KAT6A: variants seen among roughly 807,000 people sequenced by gnomAD.
KAT6A encodes the protein histone acetyltransferase KAT6A.
A neutral mutation model predicts 198.4 loss-of-function variants in KAT6A; 9 were observed. The observed-to-expected ratio is 0.05, with a 90% CI of 0.03 to 0.08. The LOEUF is 0.08. Among genes scored for constraint, KAT6A ranks in the 10% least tolerant of loss-of-function variants. KAT6A has a pLI of 1.00. For synonymous variants in KAT6A, 890 were observed against 883.0 expected (o/e 1.01, Z -0.14); for missense variants, 2,077 against 2,509.9 (o/e 0.83, Z 3.69).
chr8:42,004,823 G>A (rs1034969553), intron 2 of KAT6A, among the ~76,000 whole-genome samples: 4 of 151,976 alleles, frequency 2.6e-5, no homozygotes, highest in African/African-American at 9.7e-5. Flanking sequence ...AGCTACTCAA[G>A]AGGCTAAGGC....
chr8:41,941,426 G>A lies in KAT6A; in HGVS notation c.2455C>T (p.His819Tyr). 2.5e-6 allele frequency: 4 copies of A among 1,596,804 alleles called. No individual in the cohort carries two copies. Among genetic ancestry groups the A allele is most frequent in the Non-Finnish European group, 3.4e-6 (4 of 1,175,764 alleles). Residue 819 changes from histidine (H) to tyrosine (Y), a missense_variant, in exon 15 of 17, where the codon CAT becomes TAT. By Grantham distance (83) the His-to-Tyr change is moderately conservative. This residue lies in a region of KAT6A where 301 missense variants were observed against 272.2 expected (regional missense o/e 1.11). Transcript: ENST00000265713. ...TAAGAATCTTGTTCTTTGTTCTCAT[G>A]AGACACAGACTTTCCCACCTGATTT... ...LEISVGKSVSHENKEQDSYSV... is the reference protein window; with the variant it reads ...LEISVGKSVSYENKEQDSYSV...
In KAT6A at chr8:41,933,803, C is replaced by G. The variant is rs750883642; in HGVS notation, c.4417G>C (p.Asp1473His). 1 of 1,614,124 alleles carries G rather than the reference C, an allele frequency of 6.2e-7. No individual in the cohort carries two copies. The highest frequency in any genetic ancestry group is 8.5e-7 in the Non-Finnish European group (1 of 1,180,030). Residue 1473 changes from aspartate to histidine, a missense_variant, in exon 17 of 17, where the codon GAC becomes CAC. Asp to His is a moderately conservative substitution (Grantham distance 81). Coordinates refer to ENST00000265713, the MANE Select transcript of KAT6A (RefSeq NM_006766.5). This position sits in a 1 kb window ranked among gnomAD's most constrained non-coding sequence, Gnocchi z 6.2. ...CTATTATGTTCTGACGCATGACAGTCTTCAACCATGGACATCTGAGGGTCC... is the reference window on the plus strand; with the variant it reads ...CTATTATGTTCTGACGCATGACAGTGTTCAACCATGGACATCTGAGGGTCC... ...DEDPQMSMVE[D>H]CHASEHNSPI... is the part of the protein sequence containing the mutation.
At chr8:42,007,533 G>A (rs1036596488) in intron 2 of KAT6A, among the ~76,000 whole-genome samples, 1 of 152,184 alleles carries the variant, frequency 6.6e-6, no homozygotes, top group Non-Finnish European at 1.5e-5. Context: ...CTTAAGAAAT[G>A]TGTGGACTGA....
intron 2 of KAT6A, among the ~76,000 whole-genome samples, chr8:41,996,730 A>G (rs1825229126): frequency 2.6e-5 from 4 of 152,200 alleles, no homozygotes; most frequent in Admixed American, 2.6e-4. Context: ...CCTCACAGAG[A>G]GATGAGGCCC....
intron 13 of KAT6A, 88 bp from the exon 14 acceptor site, chr8:41,943,088 G>A: frequency 6.5e-7 from 1 of 1,529,186 alleles, no homozygotes; most frequent in Non-Finnish European, 8.9e-7. Flanking sequence ...GGTGAAGCAT[G>A]TAAGATGATA....
chr8:41,981,076 C>T, intron 4 of KAT6A, 149 bp from the exon 5 acceptor site: 1 of 620,840 alleles, frequency 1.6e-6, no homozygotes, highest in African/African-American at 1.8e-5. Flanking sequence ...TCCCAACACT[C>T]TGGGAGGTCG....
Position 41,967,274 on chromosome 8 carries a change from A to ATTTATTTATTT in KAT6A, c.1482+7429_1482+7430insAAATAAATAAA, listed in dbSNP as rs1554686629. 7.3e-3 allele frequency among the ~76,000 whole-genome samples: 1,039 copies of ATTTATTTATTT among 142,834 alleles called. 14 individuals carry two copies. The highest frequency in any genetic ancestry group is 0.025 in the African/African-American group (957 of 38,558). 93.7% of individuals were successfully genotyped at this position (142,834 alleles called of 152,430 possible). On this transcript the variant is annotated intron_variant, in intron 8 of 16. Transcript: ENST00000265713. Reference sequence around the variant, plus strand: ...GCGTCTTTCTTTTTTTAAAAAAAAAAATTTATTTATTTATTTATTTATTTA... The same window carrying ATTTATTTATTT: ...GCGTCTTTCTTTTTTTAAAAAAAAAATTTATTTATTTATTTATTTATTTATTTATTTATTTA...
chr8:41,939,414 T>C (rs1488679996), intron 15 of KAT6A, among the ~76,000 whole-genome samples: 2 of 152,196 alleles, frequency 1.3e-5, no homozygotes, highest in Non-Finnish European at 2.9e-5. Context: ...GTCACGCAGG[T>C]TGGACTACAG....
chr8:41,958,776 A>G (rs1477329786), intron 8 of KAT6A, among the ~76,000 whole-genome samples: 6 of 152,244 alleles, frequency 3.9e-5, no homozygotes, highest in East Asian at 1.9e-4. Context: ...ATTAACTGGC[A>G]TAAGTAAGGA....
chr8:42,048,415 A>G lies in KAT6A; in HGVS notation c.563T>C (p.Leu188Ser). The stretch of plus-strand genomic sequence containing the variant: ...ATGTGGAAGAAGGGACACTGGAGGT[A>G]AACAGGAAAGAGACTCACAACTCTC... ...GKESCESLSC[L>S]PPVSLLPHEK... is the part of the protein sequence containing the mutation. The change falls in exon 2 of 17, where the codon TTA becomes TCA. Residue 188 changes from leucine (L) to serine (S), a missense_variant. By Grantham distance (145) the Leu-to-Ser change is moderately radical (BLOSUM62 -2). Coordinates refer to ENST00000265713, the MANE Select transcript of KAT6A (RefSeq NM_006766.5). 1 of 1,614,110 alleles carries G rather than the reference A, an allele frequency of 6.2e-7. No homozygotes were observed. The highest frequency in any genetic ancestry group is 8.5e-7 in the Non-Finnish European group (1 of 1,179,950).
At chr8:42,012,434 G>A (rs769012931) in intron 2 of KAT6A, among the ~76,000 whole-genome samples, 43 of 152,172 alleles carry the variant, frequency 2.8e-4, no homozygotes, top group Non-Finnish European at 5.6e-4. Flanking sequence ...GGCCATACAT[G>A]TTGTGACAAG....
At chr8:42,028,600 T>C (rs1007134102) in intron 2 of KAT6A, among the ~76,000 whole-genome samples, 2 of 152,230 alleles carry the variant, frequency 1.3e-5, no homozygotes, top group East Asian at 3.8e-4. Flanking sequence ...GTTCCATCCC[T>C]TCACTTTCGG....
chr8:41,952,823 A>G (rs966757328), intron 9 of KAT6A, among the ~76,000 whole-genome samples: 15 of 152,172 alleles, frequency 9.9e-5, no homozygotes, highest in Non-Finnish European at 1.9e-4. Flanking sequence ...AAGTAAATAT[A>G]ATTTTTTTAA....
At chr8:42,033,110 T>G (rs1827207723) in intron 2 of KAT6A, among the ~76,000 whole-genome samples, 1 of 151,932 alleles carries the variant, frequency 6.6e-6, no homozygotes, top group Non-Finnish European at 1.5e-5. Flanking sequence ...CCTGACCTCA[T>G]GATCTGCCTG....
At chr8:42,006,656 A>T (rs1825764455) in intron 2 of KAT6A, among the ~76,000 whole-genome samples, 1 of 152,186 alleles carries the variant, frequency 6.6e-6, no homozygotes, top group Non-Finnish European at 1.5e-5. Context: ...AACCTGTACT[A>T]GCAAGTATAA....
rs528937131 is a variant in KAT6A, at chr8:42,013,529, G to A, written c.601-25966C>T. ...ATTACAGGCGTAAGCCACCACGCCC[G>A]GCCTTGGCTCTGCTTTTTTTCAATT... On this transcript the variant is annotated intron_variant, in intron 2 of 16. Transcript: ENST00000265713. Among the ~76,000 whole-genome samples, 448 of 152,214 alleles carry A rather than the reference G, an allele frequency of 2.9e-3. 2 individuals are homozygous for A. The highest frequency in any genetic ancestry group is 9.5e-3 in the South Asian group (46 of 4,824).
At chr8:42,033,817 T>A (rs118045957) in intron 2 of KAT6A, among the ~76,000 whole-genome samples, 1 of 151,958 alleles carries the variant, frequency 6.6e-6, no homozygotes, top group South Asian at 2.1e-4. Context: ...AACAAAACAG[T>A]TAAAAATTTT....
chr8:42,013,103 T>C (rs565450060), intron 2 of KAT6A, among the ~76,000 whole-genome samples: 1 of 151,890 alleles, frequency 6.6e-6, no homozygotes, highest in South Asian at 2.1e-4. Context: ...AATGGATCTT[T>C]CCTATATCTT....
In KAT6A at chr8:41,942,961, G is replaced by A. The variant is rs751297461; in HGVS notation, c.2268C>T (p.His756=). The change falls in exon 14 of 17, where the codon CAC becomes CAT. Residue 756 remains histidine (H), a synonymous_variant. Coordinates refer to ENST00000265713, the MANE Select transcript of KAT6A (RefSeq NM_006766.5). ...GCAAATTCAGCTGAAGCTTTGCCAT[G>A]TGATCCTGGATAAGTTTTTCCCGGC... is the stretch of plus-strand genomic sequence containing the variant. ...IIRREKLIQD[H]MAKLQLNLRP... The A allele has an allele frequency of 1.2e-6, 2 of 1,614,174 alleles. No homozygotes were observed. Among genetic ancestry groups the A allele is most frequent in the Admixed American group, 3.3e-5 (2 of 60,022 alleles).
Sources: gnomAD v4.1 joint callset for allele counts (sites outside exome capture counted in the v4.1 genomes callset) on GRCh38, gnomAD v4.1.1 for gene constraint, gnomAD v4.1.1 regional missense constraint, Gnocchi (gnomAD v3.1) non-coding constraint, MANE v1.5 for transcripts, NCBI Gene and HGNC (gene_info 2026-07-23, HGNC 2026-07-21) for gene names.